The following RGS14 variants were observed in gnomAD, a reference collection of about 807,000 sequenced individuals.
RGS14 encodes regulator of G protein signaling 14.
Under a neutral mutation model 63.8 loss-of-function variants are expected in RGS14, and 33 were observed. The ratio of observed to expected loss-of-function variants is 0.52; its 90% confidence interval spans 0.39 to 0.69. The LOEUF is 0.69. Ranked by LOEUF, RGS14 falls within the 30% of genes least tolerant of loss-of-function variation. The pLI is 0.00. For missense variants in RGS14, 739 were observed against 742.9 expected (o/e 0.99, Z 0.06); for synonymous variants, 296 against 320.9 (o/e 0.92, Z 0.83).
At chr5:177,363,444 G>T (rs1477955069) in intron 1 of RGS14, among the ~76,000 whole-genome samples, 1 of 152,158 alleles carries the variant, frequency 6.6e-6, no homozygotes, top group Admixed American at 6.5e-5. Context: ...TCAGGGAGGA[G>T]CCCGAAGTTG....
rs1458873903 is a variant in RGS14 at position 177,364,410 on chromosome 5, G to T, written c.46-1553G>T. On this transcript the variant is annotated intron_variant, in intron 1 of 14. Transcript: ENST00000408923. The surrounding 1 kb of genome is among the most constrained non-coding windows in gnomAD (Gnocchi z 4.6). Reference sequence around the variant, plus strand: ...GTACTGTGTTTTGGTGGAGGCAGAGGGAGCTTCCATTTGGGACTTCCATTT... The same window carrying T: ...GTACTGTGTTTTGGTGGAGGCAGAGTGAGCTTCCATTTGGGACTTCCATTT... Among the ~76,000 whole-genome samples, 2 of 152,142 alleles carry T rather than the reference G, an allele frequency of 1.3e-5. No homozygotes were observed. Among genetic ancestry groups the T allele is most frequent in the Non-Finnish European group, 2.9e-5 (2 of 68,020 alleles).
rs1762046951 is a variant in RGS14 at position 177,364,491 on chromosome 5, C to T, written c.46-1472C>T. Among the ~76,000 whole-genome samples the T allele has an allele frequency of 2.6e-5, 4 of 152,272 alleles. No individual in the cohort carries two copies. The South Asian group carries it at 8.3e-4, about 32-fold the overall frequency. On this transcript the variant is annotated intron_variant, in intron 1 of 14. Transcript: ENST00000408923. The surrounding 1 kb of genome is among the most constrained non-coding windows in gnomAD (Gnocchi z 4.6). Reference sequence around the variant, plus strand: ...GGGGGACTCGCCCCCCTCCGCTGGGCTGCCTGGCCCTGCCCTCCTCGCGCA... The same window carrying T: ...GGGGGACTCGCCCCCCTCCGCTGGGTTGCCTGGCCCTGCCCTCCTCGCGCA...
rs757382153 is a variant in RGS14, at chr5:177,358,083, C to A, written c.45+14C>A. ...AACGGGCGCATGGTGAGTGTGGGCT[C>A]CGGGCCAGGGCCACGAGGAGGGGGT... On this transcript the variant is annotated intron_variant, in intron 1 of 14. Transcript: ENST00000408923. This position sits in a 1 kb window ranked among gnomAD's most constrained non-coding sequence, Gnocchi z 4.8. The A allele has an allele frequency of 1.5e-6, 2 of 1,340,436 alleles. No individual in the cohort carries two copies. The highest frequency in any genetic ancestry group is 4.0e-5 in the South Asian group (2 of 49,816). 83.0% of individuals were successfully genotyped at this position (1,340,436 alleles called of 1,614,324 possible). A position where few individuals can be genotyped will look rare whatever the true frequency, so the allele number is the denominator to read the frequency against.
intron 1 of RGS14, among the ~76,000 whole-genome samples, chr5:177,362,675 G>A (rs1041828116): frequency 1.3e-5 from 2 of 152,214 alleles, no homozygotes; most frequent in Non-Finnish European, 1.5e-5. Flanking sequence ...GTGGAGGTGA[G>A]GGGGAGGAAA....
chr5:177,359,597 C>G lies in RGS14; in HGVS notation c.45+1528C>G, dbSNP rs568528470. Among the ~76,000 whole-genome samples the G allele has an allele frequency of 1.3e-5, 2 of 152,194 alleles. No individual in the cohort carries two copies. The highest frequency in any genetic ancestry group is 2.9e-5 in the Non-Finnish European group (2 of 68,016). ...AGCAGGGAGGGTGCCCCAAGGTCTG[C>G]CCCCAGTTCCATCAAGCCCACAGAC... On this transcript the variant is annotated intron_variant, in intron 1 of 14. Transcript: ENST00000408923. The surrounding 1 kb of genome is among the most constrained non-coding windows in gnomAD (Gnocchi z 4.4).
chr5:177,368,682 T>C, intron 8 of RGS14, 35 bp from the exon 9 acceptor site: 1 of 1,605,930 alleles, frequency 6.2e-7, no homozygotes, highest in South Asian at 1.1e-5. Flanking sequence ...CTTGCATGTG[T>C]ACACATAATC....
chr5:177,361,811 A>G (rs1761971693), intron 1 of RGS14, among the ~76,000 whole-genome samples: 3 of 152,102 alleles, frequency 2.0e-5, no homozygotes, highest in Admixed American at 6.5e-5. Flanking sequence ...TGACCGGCCG[A>G]GGTCCAAGCC....
chr5:177,362,565 CA>C (rs1581615468), intron 1 of RGS14, among the ~76,000 whole-genome samples: 1 of 152,116 alleles, frequency 6.6e-6, no homozygotes, highest in African/African-American at 2.4e-5. Context: ...GATCGGGGAG[CA>C]ATTCCAAGCG....
In RGS14 at chr5:177,364,984, A is replaced by T. The variant is rs1189216625; in HGVS notation, c.46-979A>T. On this transcript the variant is annotated intron_variant, in intron 1 of 14. Transcript: ENST00000408923. This position sits in a 1 kb window ranked among gnomAD's most constrained non-coding sequence, Gnocchi z 4.6. ...CAGAGGTGGGGTCCTCCCACTCTGC[A>T]CTGAAGTTTGAGAACCACTGCTCTG... Among the ~76,000 whole-genome samples, 6 of 152,106 alleles carry T rather than the reference A, an allele frequency of 3.9e-5. No homozygotes were observed. Among genetic ancestry groups the T allele is most frequent in the Admixed American group, 3.9e-4 (6 of 15,264 alleles).
At chr5:177,367,085 G>A in intron 5 of RGS14, 51 bp downstream of exon 5, 1 of 1,564,898 alleles carries the variant, frequency 6.4e-7, no homozygotes, top group South Asian at 1.2e-5. Context: ...AAGGAGCAGG[G>A]GCGGGGTCGG....
At position 177,371,045 on chromosome 5, in the gene RGS14, C is replaced by T; in HGVS notation, c.1254+14C>T. On this transcript the variant is annotated intron_variant, in intron 11 of 14. Coordinates refer to ENST00000408923, the MANE Select transcript of RGS14 (RefSeq NM_006480.5). This position sits in a 1 kb window ranked among gnomAD's most constrained non-coding sequence, Gnocchi z 6.1. ...GTGCTGCACCGGGTGAGCTTCCGGG[C>T]CGCGGGGCGGGGCGGGGCGGGGCCG... 1.4e-6 allele frequency: 2 copies of T among 1,381,914 alleles called. No homozygotes were observed. The highest frequency in any genetic ancestry group is 1.9e-6 in the Non-Finnish European group (2 of 1,073,770). 85.6% of individuals were successfully genotyped at this position (1,381,914 alleles called of 1,614,324 possible).
chr5:177,368,165 G>C lies in RGS14; in HGVS notation c.748G>C (p.Gly250Arg), dbSNP rs760013307. Residue 250 changes from glycine to arginine, a missense_variant, in exon 8 of 15, where the codon GGG becomes CGG. Coordinates refer to ENST00000408923, the MANE Select transcript of RGS14 (RefSeq NM_006480.5). ...LRKSFRRELG[G>R]TANAALRRES... Reference sequence around the variant, plus strand: ...CGCTCCCTCTTCACTAGAGCTGGGCGGGACTGCAAACGCCGCCTTGCGCCG... The same window carrying C: ...CGCTCCCTCTTCACTAGAGCTGGGCCGGACTGCAAACGCCGCCTTGCGCCG... 6.2e-7 allele frequency: 1 copy of C among 1,613,240 alleles called. No individual in the cohort carries two copies. Among genetic ancestry groups the C allele is most frequent in the South Asian group, 1.1e-5 (1 of 91,070 alleles).
At position 177,371,286 on chromosome 5, in the gene RGS14, G is replaced by A. The variant is rs1389959697; in HGVS notation, c.1336+40G>A. On this transcript the variant is annotated intron_variant, in intron 12 of 14. Coordinates refer to ENST00000408923, the MANE Select transcript of RGS14 (RefSeq NM_006480.5). This position sits in a 1 kb window ranked among gnomAD's most constrained non-coding sequence, Gnocchi z 6.1. ...CCTCGGGGCTTGATCTGGAACAGCT[G>A]TGGCCCAGGAGGAAGGGGGTCCAGG... 1 of 1,614,028 alleles carries A rather than the reference G, an allele frequency of 6.2e-7. No individual in the cohort carries two copies.
rs988692001 is a variant in RGS14, at chr5:177,366,822, G to A, written c.339+22G>A. 1.6e-5 allele frequency: 26 copies of A among 1,613,936 alleles called. No individual in the cohort carries two copies. The African/African-American group carries it at 3.2e-4, about 20-fold the overall frequency. On this transcript the variant is annotated intron_variant, in intron 4 of 14. Coordinates refer to ENST00000408923, the MANE Select transcript of RGS14 (RefSeq NM_006480.5). ...GCAGGTGGGGGAAGGGGGAGCTGGG[G>A]CCGAGGGCTGGGGAGAGGGGAACTG...
At position 177,371,705 on chromosome 5, in the gene RGS14, G is replaced by C; in HGVS notation, c.1498+116G>C. ...AGGGGGCTGGGTGCCACTGGGCGTG[G>C]AACAGGAAGGATGGGGGTTGGGGGG... On this transcript the variant is annotated intron_variant, in intron 14 of 14. Coordinates refer to ENST00000408923, the MANE Select transcript of RGS14 (RefSeq NM_006480.5). This position sits in a 1 kb window ranked among gnomAD's most constrained non-coding sequence, Gnocchi z 6.1. 9.0e-7 allele frequency: 1 copy of C among 1,109,716 alleles called. No individual in the cohort carries two copies. Among genetic ancestry groups the C allele is most frequent in the Non-Finnish European group, 1.3e-6 (1 of 770,958 alleles). 68.7% of individuals were successfully genotyped at this position (1,109,716 alleles called of 1,614,324 possible).
In RGS14 at chr5:177,366,192, C is replaced by T. The variant is rs763222792; in HGVS notation, c.83C>T (p.Thr28Met). 1.5e-5 allele frequency: 24 copies of T among 1,607,854 alleles called. No homozygotes were observed. In the Admixed American group the frequency reaches 1.5e-4, roughly 10 times the overall value. Residue 28 changes from threonine to methionine, a missense_variant, in exon 3 of 15, where the codon ACG becomes ATG. Transcript: ENST00000408923. ...CCCCCTGCAGAGCTGAGCAGCACGA[C>T]GGGGCCCCAGGGCCAGGGCGAGGGC... The part of the protein sequence containing the change: ...AVSDGELSST[T>M]GPQGQGEGRG...
chr5:177,366,562 C>T, intron 3 of RGS14, 146 bp from the exon 4 acceptor site: 1 of 833,748 alleles, frequency 1.2e-6, no homozygotes. Context: ...GTCTTCAGAT[C>T]GGTCTGGCTC....
chr5:177,368,364 C>T (rs1278028302), intron 8 of RGS14, 98 bp downstream of exon 8: 4 of 1,277,934 alleles, frequency 3.1e-6, no homozygotes, highest in East Asian at 2.5e-5. Context: ...GCTGTCCTTA[C>T]TGCGTCTCCC....
intron 8 of RGS14, 98 bp downstream of exon 8, chr5:177,368,364 C>G (rs1278028302): frequency 2.3e-6 from 3 of 1,277,816 alleles, no homozygotes; most frequent in Non-Finnish European, 3.2e-6. Context: ...GCTGTCCTTA[C>G]TGCGTCTCCC....
Sources: allele counts gnomAD v4.1 joint callset (sites outside exome capture counted in the v4.1 genomes callset), GRCh38; gene constraint gnomAD v4.1.1; non-coding constraint Gnocchi (gnomAD v3.1); transcripts MANE v1.5; gene names NCBI Gene and HGNC (gene_info 2026-07-23, HGNC 2026-07-21).